ROBO2: variants seen among roughly 807,000 people sequenced by gnomAD.
ROBO2 encodes roundabout guidance receptor 2, also known as roundabout homolog 2.
ROBO2 carries 53 observed loss-of-function variants against 160.8 expected under a neutral mutation model. The observed-to-expected ratio is 0.33, with a 90% CI of 0.26 to 0.41. The LOEUF (loss-of-function observed/expected upper bound fraction) is 0.41. ROBO2 is among the 10% of genes least tolerant of loss of function. The pLI, the probability that ROBO2 is intolerant of heterozygous loss-of-function variation, is 1.00. For missense variants in ROBO2, 1,577 were observed against 1,722.4 expected (o/e 0.92, Z 1.49); for synonymous variants, 664 against 611.7 (o/e 1.09, Z -1.26).
At chr3:76,594,917 TC>T (rs1014173209) in intron 2 of ROBO2, among the ~76,000 whole-genome samples, 2 of 152,042 alleles carry the variant, frequency 1.3e-5, no homozygotes, top group South Asian at 2.1e-4. Flanking sequence ...CTAAATTTGT[TC>T]CCCCCAAAAC....
At chr3:76,596,148 C>A (rs1474830587) in intron 2 of ROBO2, among the ~76,000 whole-genome samples, 1 of 152,068 alleles carries the variant, frequency 6.6e-6, no homozygotes, top group Non-Finnish European at 1.5e-5. Flanking sequence ...GAGAAGGCAA[C>A]TATAAACCTG....
rs138213390 is a variant in ROBO2, at chr3:77,605,661, C to T, written c.3137-2137C>T. 3.5e-3 allele frequency among the ~76,000 whole-genome samples: 532 copies of T among 152,228 alleles called. 2 individuals are homozygous for T. Among genetic ancestry groups the T allele is most frequent in the African/African-American group, 0.012 (498 of 41,542 alleles). ...ACAATGACTTCAACAGAATTCAGGG[C>T]TCTGGAAGTAGTAATTTCCAGTAAA... On this transcript the variant is annotated intron_variant, in intron 20 of 25. Coordinates refer to ENST00000461745, the Ensembl canonical transcript of ROBO2.
intron 21 of ROBO2, among the ~76,000 whole-genome samples, chr3:77,609,533 T>C: frequency 6.6e-6 from 1 of 151,882 alleles, no homozygotes; most frequent in East Asian, 1.9e-4. Context: ...TGTGGATAAT[T>C]TGGAGGGTTT....
chr3:76,073,609 G>A (rs1194445145), intron 2 of ROBO2, among the ~76,000 whole-genome samples: 1 of 151,936 alleles, frequency 6.6e-6, no homozygotes, highest in Non-Finnish European at 1.5e-5. Context: ...TTCTTAAAAT[G>A]TTAAATTAAT....
chr3:76,879,836 A>G (rs1252581911), intron 2 of ROBO2, among the ~76,000 whole-genome samples: 1 of 152,176 alleles, frequency 6.6e-6, no homozygotes, highest in African/African-American at 2.4e-5. Context: ...TGATTAACAA[A>G]AGATGACACT....
chr3:77,194,405 A>T (rs2082138054), intron 2 of ROBO2, among the ~76,000 whole-genome samples: 1 of 152,164 alleles, frequency 6.6e-6, no homozygotes, highest in Admixed American at 6.5e-5. Flanking sequence ...TTTGGCTGTT[A>T]CTTAATCTCA....
intron 2 of ROBO2, among the ~76,000 whole-genome samples, chr3:76,616,268 GA>G (rs2088575184): frequency 6.6e-6 from 1 of 152,134 alleles, no homozygotes; most frequent in Non-Finnish European, 1.5e-5. Context: ...TATAAACTAT[GA>G]AATCATACTT....
At chr3:77,261,391 T>C (rs977536733) in intron 2 of ROBO2, among the ~76,000 whole-genome samples, 1 of 152,144 alleles carries the variant, frequency 6.6e-6, no homozygotes, top group Non-Finnish European at 1.5e-5. Context: ...GTTAAAGCTT[T>C]CCTGTAGGCT....
chr3:76,737,008 G>C (rs1576329381), intron 2 of ROBO2, among the ~76,000 whole-genome samples: 1 of 152,302 alleles, frequency 6.6e-6, no homozygotes, highest in South Asian at 2.1e-4. Flanking sequence ...TATGAACTCT[G>C]TTTTGGGGGC....
chr3:76,880,823 A>ATT (rs2148742771), intron 2 of ROBO2, among the ~76,000 whole-genome samples: 1 of 152,342 alleles, frequency 6.6e-6, no homozygotes, highest in South Asian at 2.1e-4. Context: ...ACTAATAGGC[A>ATT]TTTTAAGCAT....
At chr3:76,410,246 A>G (rs2075419132) in intron 2 of ROBO2, among the ~76,000 whole-genome samples, 1 of 152,026 alleles carries the variant, frequency 6.6e-6, no homozygotes, top group South Asian at 2.1e-4. Flanking sequence ...ATTTTTTTAG[A>G]TACTGTATTC....
chr3:77,173,370 AT>A (rs11328529), intron 2 of ROBO2, among the ~76,000 whole-genome samples: 59,961 of 151,660 alleles, frequency 0.4, 12,394 homozygotes, highest in Middle Eastern at 0.54. Flanking sequence ...CCACATTATA[AT>A]TTTTTTTCAA....
At chr3:77,347,971 C>A (rs140682947) in intron 2 of ROBO2, among the ~76,000 whole-genome samples, 1 of 152,192 alleles carries the variant, frequency 6.6e-6, no homozygotes, top group East Asian at 1.9e-4. Context: ...CCTAAGAGTT[C>A]TACTTTTCTT....
At chr3:77,338,014 A>C (rs1482178257) in intron 2 of ROBO2, among the ~76,000 whole-genome samples, 1 of 152,160 alleles carries the variant, frequency 6.6e-6, no homozygotes, top group African/African-American at 2.4e-5. Context: ...TGGAACTTTC[A>C]TATTTCCAAT....
intron 2 of ROBO2, among the ~76,000 whole-genome samples, chr3:76,336,304 C>G (rs1031853409): frequency 2.6e-5 from 4 of 152,152 alleles, no homozygotes; most frequent in African/African-American, 9.7e-5. Flanking sequence ...CATTCATTTT[C>G]TATAAGACTT....
Position 77,549,352 on chromosome 3 carries a change from A to C in ROBO2, c.1060-1466A>C, listed in dbSNP as rs568395246. Among the ~76,000 whole-genome samples the C allele has an allele frequency of 2.2e-4, 34 of 152,094 alleles. No homozygotes were observed. In the South Asian group the frequency reaches 6.4e-3, roughly 29 times the overall value. On this transcript the variant is annotated intron_variant, in intron 7 of 25. Transcript: ENST00000461745. ...TGAGTTATTGTATCATTTTCAAGTG[A>C]CTTCAAAATTTAGACTCTCTCTTTT...
At chr3:76,851,084 GAGA>G (rs2148535189) in intron 2 of ROBO2, among the ~76,000 whole-genome samples, 1 of 152,296 alleles carries the variant, frequency 6.6e-6, no homozygotes, top group Non-Finnish European at 1.5e-5. Flanking sequence ...TTAAGAACCT[GAGA>G]AGTTTTGTGC....
At chr3:76,027,124 A>C (rs943718569) in intron 2 of ROBO2, among the ~76,000 whole-genome samples, 2 of 151,906 alleles carry the variant, frequency 1.3e-5, no homozygotes, top group Non-Finnish European at 2.9e-5. Context: ...TTTCTTCTTC[A>C]TGTCACATTT....
At chr3:76,007,336 A>G (rs1033828694) in intron 2 of ROBO2, among the ~76,000 whole-genome samples, 7 of 152,124 alleles carry the variant, frequency 4.6e-5, no homozygotes, top group Non-Finnish European at 1.0e-4. Flanking sequence ...CATGTTTTTT[A>G]AAAACATAAA....
Sources: gnomAD v4.1 joint callset for allele counts (sites outside exome capture counted in the v4.1 genomes callset) on GRCh38, gnomAD v4.1.1 for gene constraint, MANE v1.5 for transcripts, NCBI Gene and HGNC (gene_info 2026-07-23, HGNC 2026-07-21) for gene names.